DAB1: variants seen among roughly 807,000 people sequenced by gnomAD.
DAB1 encodes disabled homolog 1.
In DAB1, 15 loss-of-function variants were observed where a neutral mutation model predicts 64.6. The ratio of observed to expected loss-of-function variants is 0.23; its 90% CI spans 0.16 to 0.36. DAB1 has a LOEUF of 0.36. DAB1 is among the 10% of genes least tolerant of loss of function. The pLI is 1.00. For missense variants in DAB1, 596 were observed against 706.7 expected, an observed-to-expected ratio of 0.84 and a Z score of 1.78; for synonymous variants, 235 against 251.9, an observed-to-expected ratio of 0.93 and a Z score of 0.64.
intron 5 of DAB1, among the ~76,000 whole-genome samples, chr1:57,943,421 AAT>A (rs1450976208): frequency 6.6e-6 from 1 of 152,200 alleles, no homozygotes; most frequent in Non-Finnish European, 1.5e-5. Context: ...CTGAGGCCTA[AAT>A]GGATGTGGCC....
chr1:57,855,777 T>A (rs1485774908), intron 1 of DAB1, among the ~76,000 whole-genome samples: 1 of 152,114 alleles, frequency 6.6e-6, no homozygotes, highest in Non-Finnish European at 1.5e-5. Context: ...AAGCACAATA[T>A]GGAGACCACA....
At chr1:57,582,581 C>T (rs548026219) in intron 7 of DAB1, among the ~76,000 whole-genome samples, 5 of 152,316 alleles carry the variant, frequency 3.3e-5, no homozygotes, top group South Asian at 2.1e-4. Flanking sequence ...GATACACAAA[C>T]TTTCAATCCA....
At chr1:57,056,513 A>AG (rs1649782241) in intron 9 of DAB1, among the ~76,000 whole-genome samples, 1 of 151,116 alleles carries the variant, frequency 6.6e-6, no homozygotes, top group African/African-American at 2.4e-5. Flanking sequence ...TCAAAAAAAA[A>AG]AAAAAAAGAA....
chr1:57,422,231 A>C (rs1333585211), intron 1 of DAB1, among the ~76,000 whole-genome samples: 1 of 152,216 alleles, frequency 6.6e-6, no homozygotes, highest in East Asian at 1.9e-4. Flanking sequence ...ATTCAAAACT[A>C]TCAACACTGT....
chr1:57,316,304 G>C (rs980764783), intron 1 of DAB1, among the ~76,000 whole-genome samples: 1 of 152,184 alleles, frequency 6.6e-6, no homozygotes, highest in Non-Finnish European at 1.5e-5. Context: ...TCAAATCTTA[G>C]ATCTATACAA....
At chr1:57,530,544 T>C (rs913135577) in intron 7 of DAB1, among the ~76,000 whole-genome samples, 5 of 152,220 alleles carry the variant, frequency 3.3e-5, no homozygotes, top group African/African-American at 1.2e-4. Flanking sequence ...ATATGATATT[T>C]ATGGAGAGCC....
At chr1:57,115,351 A>G (rs1656014948) in intron 4 of DAB1, among the ~76,000 whole-genome samples, 2 of 152,216 alleles carry the variant, frequency 1.3e-5, no homozygotes, top group African/African-American at 4.8e-5. Context: ...TAAAGTACTT[A>G]GCATGGGGTT....
At chr1:57,544,889 T>C (rs1558478931) in intron 7 of DAB1, among the ~76,000 whole-genome samples, 1 of 152,234 alleles carries the variant, frequency 6.6e-6, no homozygotes, top group South Asian at 2.1e-4. Flanking sequence ...TCCCCCGCCA[T>C]GCGGAACTGT....
chr1:58,399,914 G>A (rs752638295), intron 3 of DAB1, among the ~76,000 whole-genome samples: 5 of 152,040 alleles, frequency 3.3e-5, no homozygotes, highest in Non-Finnish European at 5.9e-5. Context: ...AATTAGGTCC[G>A]GGGTTATGCA....
intron 2 of DAB1, among the ~76,000 whole-genome samples, chr1:57,235,351 CAAG>C (rs1489920824): frequency 1.3e-5 from 2 of 152,154 alleles, no homozygotes; most frequent in African/African-American, 2.4e-5. Context: ...AGGTCTGACA[CAAG>C]AGATGTTATT....
chr1:57,844,220 C>A (rs1653177913), intron 1 of DAB1, among the ~76,000 whole-genome samples: 1 of 152,220 alleles, frequency 6.6e-6, no homozygotes, highest in African/African-American at 2.4e-5. Flanking sequence ...TTATTTCTAA[C>A]ACACTGAAAT....
intron 3 of DAB1, among the ~76,000 whole-genome samples, chr1:58,403,014 C>T (rs988571288): frequency 6.6e-6 from 1 of 152,194 alleles, no homozygotes; most frequent in Non-Finnish European, 1.5e-5. Context: ...AATATCAATA[C>T]CATATGACTC....
chr1:57,853,053 T>C (rs1046706724), intron 1 of DAB1, among the ~76,000 whole-genome samples: 1 of 152,198 alleles, frequency 6.6e-6, no homozygotes, highest in African/African-American at 2.4e-5. Context: ...TAAAAATGTA[T>C]AATTAATTAT....
intron 7 of DAB1, among the ~76,000 whole-genome samples, chr1:57,442,111 T>C (rs983106019): frequency 6.6e-6 from 1 of 152,192 alleles, no homozygotes; most frequent in Non-Finnish European, 1.5e-5. Flanking sequence ...AGGTGTGAAT[T>C]TGGTTAAGTT....
At chr1:57,360,424 C>T (rs1188972096) in intron 1 of DAB1, among the ~76,000 whole-genome samples, 2 of 152,022 alleles carry the variant, frequency 1.3e-5, no homozygotes, top group East Asian at 3.9e-4. Flanking sequence ...GTCAATACTA[C>T]TCATACAAGC....
intron 5 of DAB1, among the ~76,000 whole-genome samples, chr1:57,973,162 C>A (rs1228966073): frequency 6.6e-6 from 1 of 152,074 alleles, no homozygotes; most frequent in East Asian, 1.9e-4. Context: ...GATATTTACA[C>A]AAAGAGGAGG....
chr1:58,422,907 G>A (rs1644786200), intron 3 of DAB1, among the ~76,000 whole-genome samples: 1 of 152,180 alleles, frequency 6.6e-6, no homozygotes, highest in Admixed American at 6.5e-5. Context: ...TCTAACAGGA[G>A]CAAATCTGAT....
intron 2 of DAB1, among the ~76,000 whole-genome samples, chr1:57,210,818 C>T (rs554710802): frequency 1.2e-4 from 19 of 152,252 alleles, no homozygotes; most frequent in African/African-American, 4.6e-4. Context: ...AATTTAAAAA[C>T]GGGGCCAGAT....
intron 4 of DAB1, among the ~76,000 whole-genome samples, chr1:58,171,635 C>G (rs910574874): frequency 6.6e-6 from 1 of 152,208 alleles, no homozygotes; most frequent in African/African-American, 2.4e-5. Context: ...CTTTGAAGAT[C>G]CCACAGACCA....
Sources: allele counts gnomAD v4.1 joint callset (sites outside exome capture counted in the v4.1 genomes callset), GRCh38; gene constraint gnomAD v4.1.1; transcripts MANE v1.5; gene names NCBI Gene and HGNC (gene_info 2026-07-23, HGNC 2026-07-21).